Variants in KCNQ1 observed in about 807,000 individuals in gnomAD.
The protein encoded by KCNQ1 is potassium voltage-gated channel subfamily Q member 1.
A neutral mutation model predicts 72.4 loss-of-function variants in KCNQ1; 49 were observed. The ratio of observed to expected loss-of-function variants is 0.68; its 90% confidence interval spans 0.54 to 0.86. The LOEUF (loss-of-function observed/expected upper bound fraction) is 0.86, where lower values mean the gene tolerates loss of function less well. KCNQ1 is among the 40% of genes least tolerant of loss of function. The pLI is 0.00. For missense variants in KCNQ1, 790 were observed against 945.1 expected, an observed-to-expected ratio of 0.84 and a Z score of 2.15; for synonymous variants, 450 against 412.6, an observed-to-expected ratio of 1.09 and a Z score of -1.10.
In KCNQ1 at chr11:2,683,284, C is replaced by T. The variant is rs1325538143; in HGVS notation, c.1514+21203C>T. On this transcript the variant is annotated intron_variant, in intron 11 of 15. Transcript: ENST00000155840. The surrounding 1 kb of genome is among the most constrained non-coding windows in gnomAD (Gnocchi z 4.7). Reference sequence around the variant, plus strand: ...CTGTCAGCCTGAGTATGGGCAATGGCGTTTTAGTTTGCAAAACCAGACACA... The same window carrying T: ...CTGTCAGCCTGAGTATGGGCAATGGTGTTTTAGTTTGCAAAACCAGACACA... The T allele has an allele frequency of 2.5e-5, 10 of 398,430 alleles. No homozygotes were observed. Among genetic ancestry groups the T allele is most frequent in the Non-Finnish European group, 4.0e-5 (9 of 226,078 alleles). 24.7% of individuals were successfully genotyped at this position (398,430 alleles called of 1,614,324 possible).
rs1470004716 is a variant in KCNQ1, at chr11:2,640,977, T to A, written c.1394-20984T>A. 8 of 398,564 alleles carry A rather than the reference T, an allele frequency of 2.0e-5. No individual in the cohort carries two copies. The East Asian group carries it at 2.5e-4, about 12-fold the overall frequency. The allele number at this position is 398,564 out of a possible 1,614,324, so 24.7% of individuals were successfully genotyped here. ...ATAATGACCTCCAGCTCCATTCATG[T>A]TGCTGCAAAGGACATGATTTCATTC... On this transcript the variant is annotated intron_variant, in intron 10 of 15. Coordinates refer to ENST00000155840, the MANE Select transcript of KCNQ1 (RefSeq NM_000218.3).
Position 2,770,929 on chromosome 11 carries a change from C to G in KCNQ1, c.1590+2010C>G, listed in dbSNP as rs376199986. ...ACTCAGATCTGGGCAGGGCAGTCCC[C>G]CGAGGGCAGAGGAGACCATGGGAAG... On this transcript the variant is annotated intron_variant, in intron 12 of 15. Transcript: ENST00000155840. Among the ~76,000 whole-genome samples the G allele has an allele frequency of 2.0e-3, 304 of 152,332 alleles. 1 individual carries two copies. The highest frequency in any genetic ancestry group is 3.1e-3 in the Non-Finnish European group (214 of 68,018).
chr11:2,807,373 C>T (rs1362685075), intron 15 of KCNQ1, among the ~76,000 whole-genome samples: 1 of 152,170 alleles, frequency 6.6e-6, no homozygotes, highest in Admixed American at 6.5e-5. Flanking sequence ...TGTCCGGGAC[C>T]AGATAAGGCC....
At position 2,544,669 on chromosome 11, in the gene KCNQ1, G is replaced by A. The variant is rs767911402; in HGVS notation, c.477+16651G>A. Among the ~76,000 whole-genome samples the A allele has an allele frequency of 3.9e-5, 6 of 152,144 alleles. No individual in the cohort carries two copies. Among genetic ancestry groups the A allele is most frequent in the Non-Finnish European group, 7.4e-5 (5 of 67,992 alleles). ...TTTTGACAAATTTATCTTGAATCTT[G>A]CAACCTTTCTAAACTCATTTGTTCC... On this transcript the variant is annotated intron_variant, in intron 2 of 15. Coordinates refer to ENST00000155840, the MANE Select transcript of KCNQ1 (RefSeq NM_000218.3). This position sits in a 1 kb window ranked among gnomAD's most constrained non-coding sequence, Gnocchi z 4.4.
At chr11:2,763,950 AT>A (rs563461294) in intron 11 of KCNQ1, among the ~76,000 whole-genome samples, 1 of 151,726 alleles carries the variant, frequency 6.6e-6, no homozygotes, top group Non-Finnish European at 1.5e-5. Context: ...ATTCTTAGGG[AT>A]TTTTTTTACA....
At chr11:2,514,166 G>A (rs1318302223) in intron 1 of KCNQ1, among the ~76,000 whole-genome samples, 2 of 152,314 alleles carry the variant, frequency 1.3e-5, no homozygotes, top group African/African-American at 4.8e-5. Flanking sequence ...ACCTTACCTC[G>A]CTGGCGGCCA....
At position 2,703,431 on chromosome 11, in the gene KCNQ1, C is replaced by T. The variant is rs2133908946; in HGVS notation, c.1514+41350C>T. Among the ~76,000 whole-genome samples the T allele has an allele frequency of 6.6e-6, 1 of 152,316 alleles. No individual in the cohort carries two copies. Among genetic ancestry groups the T allele is most frequent in the East Asian group, 1.9e-4 (1 of 5,190 alleles). On this transcript the variant is annotated intron_variant, in intron 11 of 15. Coordinates refer to ENST00000155840, the MANE Select transcript of KCNQ1 (RefSeq NM_000218.3). This position sits in a 1 kb window ranked among gnomAD's most constrained non-coding sequence, Gnocchi z 6.4. The stretch of plus-strand genomic sequence containing the variant: ...GGCTGAGCTAGCGTTCCTTGCACTC[C>T]CTCCAGCTTTACTCTTTGGGGTTCA...
chr11:2,596,887 T>C (rs1848740199), intron 10 of KCNQ1, among the ~76,000 whole-genome samples: 1 of 151,420 alleles, frequency 6.6e-6, no homozygotes, highest in African/African-American at 2.4e-5. Context: ...AATGTAAATA[T>C]ATAATATATA....
chr11:2,792,165 C>T (rs1847039962), intron 15 of KCNQ1, among the ~76,000 whole-genome samples: 2 of 152,306 alleles, frequency 1.3e-5, no homozygotes, highest in African/African-American at 4.8e-5. Context: ...CGCACTCCCG[C>T]GGCCTCCAGG....
At chr11:2,553,762 C>T (rs757353383) in intron 2 of KCNQ1, among the ~76,000 whole-genome samples, 5 of 151,904 alleles carry the variant, frequency 3.3e-5, no homozygotes, top group Admixed American at 2.0e-4. Flanking sequence ...TTTGCCCAAG[C>T]TGGAGCGCAA....
At chr11:2,591,646 C>T (rs973950815) in intron 10 of KCNQ1, among the ~76,000 whole-genome samples, 4 of 152,252 alleles carry the variant, frequency 2.6e-5, no homozygotes, top group African/African-American at 9.6e-5. Context: ...CAGCCCGAAT[C>T]GATGCCGTCC....
chr11:2,728,908 C>T (rs1184262587), intron 11 of KCNQ1, among the ~76,000 whole-genome samples: 4 of 152,222 alleles, frequency 2.6e-5, no homozygotes, highest in African/African-American at 9.7e-5. Flanking sequence ...TTTGAAGTCC[C>T]CAGAAGTGTT....
intron 6 of KCNQ1, among the ~76,000 whole-genome samples, chr11:2,573,363 G>T (rs1215878992): frequency 6.6e-6 from 1 of 152,140 alleles, no homozygotes; most frequent in African/African-American, 2.4e-5. Flanking sequence ...CCCTGGCAGG[G>T]CCCAAGGAGA....
chr11:2,777,794 C>G (rs1846737063), intron 14 of KCNQ1, 182 bp from the exon 15 acceptor site: 1 of 643,546 alleles, frequency 1.6e-6, no homozygotes, highest in Non-Finnish European at 2.8e-6. Flanking sequence ...CAGCCATGCC[C>G]GGCCACCGTA....
chr11:2,681,258 G>GA, intron 11 of KCNQ1: 1 of 398,534 alleles, frequency 2.5e-6, no homozygotes, highest in Non-Finnish European at 4.4e-6. Flanking sequence ...GCCTCCCCAG[G>GA]AGAGAGCTTC....
rs547661413 is a variant in KCNQ1, at chr11:2,461,003, C to T, written c.386+15519C>T. On this transcript the variant is annotated intron_variant, in intron 1 of 15. Transcript: ENST00000155840. ...CAGGACCTGGGTTTCCGGGGGTGTC[C>T]GGGAGTCGGATGGGCCTCACTCTCC... 9.5e-4 allele frequency among the ~76,000 whole-genome samples: 144 copies of T among 152,246 alleles called. 3 individuals carry two copies. In the South Asian group the frequency reaches 0.023, roughly 24 times the overall value.
Position 2,803,525 on chromosome 11 carries a change from T to C in KCNQ1, c.1794+25488T>C, listed in dbSNP as rs163167. 0.86 allele frequency among the ~76,000 whole-genome samples: 131,566 copies of C among 152,178 alleles called. 57,036 individuals carry two copies. Among genetic ancestry groups the C allele is most frequent in the East Asian group, 1 (5,157 of 5,160 alleles). On this transcript the variant is annotated intron_variant, in intron 15 of 15. Coordinates refer to ENST00000155840, the MANE Select transcript of KCNQ1 (RefSeq NM_000218.3). The surrounding 1 kb of genome is among the most constrained non-coding windows in gnomAD (Gnocchi z 6.4). ...AGCCAGTTGTTCCCAAACCTCGCCC[T>C]TTCTCCCTGCAGGCACTGGCAGAGC... is the stretch of plus-strand genomic sequence containing the variant.
At chr11:2,840,851 T>C (rs1272777567) in intron 15 of KCNQ1, among the ~76,000 whole-genome samples, 1 of 152,066 alleles carries the variant, frequency 6.6e-6, no homozygotes, top group Non-Finnish European at 1.5e-5. Flanking sequence ...CTTGGGGGGC[T>C]TCTACCCCCT....
rs941029246 is a variant in KCNQ1, at chr11:2,493,740, C to T, written c.387-34188C>T. Among the ~76,000 whole-genome samples the T allele has an allele frequency of 6.4e-4, 97 of 152,148 alleles. No homozygotes were observed. The highest frequency in any genetic ancestry group is 1.8e-3 in the African/African-American group (73 of 41,510). ...CTTCATACCAGTACCATGCTGTTTT[C>T]GTTACTATAGCCTTGTAGTATAGTT... On this transcript the variant is annotated intron_variant, in intron 1 of 15. Coordinates refer to ENST00000155840, the MANE Select transcript of KCNQ1 (RefSeq NM_000218.3). The surrounding 1 kb of genome is among the most constrained non-coding windows in gnomAD (Gnocchi z 5.3).
Sources: allele counts gnomAD v4.1 joint callset (sites outside exome capture counted in the v4.1 genomes callset), GRCh38; gene constraint gnomAD v4.1.1; non-coding constraint Gnocchi (gnomAD v3.1); transcripts MANE v1.5; gene names NCBI Gene and HGNC (gene_info 2026-07-23, HGNC 2026-07-21).